Variants in CFAP299 observed in about 807,000 individuals in gnomAD.
CFAP299 encodes cilia and flagella associated protein 299, also known as cilia- and flagella-associated protein 299.
In CFAP299, 21 loss-of-function variants were observed where a neutral mutation model predicts 27.0. That is an observed-to-expected ratio of 0.78 (90% CI 0.55 to 1.12). The LOEUF (loss-of-function observed/expected upper bound fraction) is 1.12. Among genes scored for constraint, CFAP299 ranks in the 50% most tolerant of loss-of-function variants. CFAP299 has a pLI of 0.00. For synonymous variants in CFAP299, 104 were observed against 98.1 expected (o/e 1.06, Z -0.36); for missense variants, 310 against 276.6 (o/e 1.12, Z -0.86).
chr4:80,793,237 G>A (rs767391802), intron 3 of CFAP299, among the ~76,000 whole-genome samples: 10 of 151,936 alleles, frequency 6.6e-5, no homozygotes, highest in Non-Finnish European at 1.3e-4. Flanking sequence ...TGAAGACCTT[G>A]GAGTCTGATG....
At chr4:80,462,853 A>T (rs1478219784) in intron 2 of CFAP299, among the ~76,000 whole-genome samples, 1 of 152,176 alleles carries the variant, frequency 6.6e-6, no homozygotes, top group Non-Finnish European at 1.5e-5. Flanking sequence ...ACAAAGTCCT[A>T]ATAACAGCAT....
chr4:80,404,280 A>G (rs1726307097), intron 2 of CFAP299, among the ~76,000 whole-genome samples: 1 of 152,130 alleles, frequency 6.6e-6, no homozygotes, highest in Non-Finnish European at 1.5e-5. Flanking sequence ...TTTGTGATAA[A>G]GTACACATGT....
At chr4:80,800,713 T>C (rs1267378121) in intron 3 of CFAP299, among the ~76,000 whole-genome samples, 2 of 111,052 alleles carry the variant, frequency 1.8e-5, no homozygotes, top group East Asian at 4.5e-4. Context: ...TGAGTTTTTA[T>C]GTATGAGTCC....
chr4:80,615,075 T>C (rs1267229395), intron 3 of CFAP299, among the ~76,000 whole-genome samples: 1 of 152,226 alleles, frequency 6.6e-6, no homozygotes, highest in Non-Finnish European at 1.5e-5. Context: ...TTTAATGATG[T>C]ATTTTATTTG....
chr4:80,952,084 G>A (rs548859105), intron 5 of CFAP299, among the ~76,000 whole-genome samples: 1 of 152,200 alleles, frequency 6.6e-6, no homozygotes, highest in South Asian at 2.1e-4. Context: ...TTTGCCTAGA[G>A]GCTCAAATGA....
chr4:80,595,230 G>A (rs1455154811), intron 3 of CFAP299, among the ~76,000 whole-genome samples: 1 of 151,950 alleles, frequency 6.6e-6, no homozygotes, highest in Non-Finnish European at 1.5e-5. Flanking sequence ...TGCCAAGATT[G>A]GTTTCCTTCT....
At chr4:80,742,190 A>G (rs536548058) in intron 3 of CFAP299, among the ~76,000 whole-genome samples, 1 of 152,230 alleles carries the variant, frequency 6.6e-6, no homozygotes, top group African/African-American at 2.4e-5. Flanking sequence ...TATTCTAGTG[A>G]TGGTGCTTTT....
chr4:80,461,142 G>A (rs1729418847), intron 2 of CFAP299, among the ~76,000 whole-genome samples: 1 of 152,124 alleles, frequency 6.6e-6, no homozygotes. Context: ...AAGGGGGTGT[G>A]GAGACTGAAA....
At chr4:80,523,254 G>T (rs1733009663) in intron 2 of CFAP299, among the ~76,000 whole-genome samples, 1 of 152,056 alleles carries the variant, frequency 6.6e-6, no homozygotes, top group Non-Finnish European at 1.5e-5. Flanking sequence ...TATTGTAAAT[G>T]GGACTGTTTT....
intron 5 of CFAP299, among the ~76,000 whole-genome samples, chr4:80,962,427 C>A (rs912904292): frequency 2.0e-5 from 3 of 151,872 alleles, no homozygotes; most frequent in African/African-American, 7.2e-5. Flanking sequence ...TATTTTGCAT[C>A]TTTGTGGGCA....
At chr4:80,609,437 G>C (rs909935075) in intron 3 of CFAP299, among the ~76,000 whole-genome samples, 1 of 151,982 alleles carries the variant, frequency 6.6e-6, no homozygotes, top group Non-Finnish European at 1.5e-5. Context: ...TATATTTTTT[G>C]AAATGTTTCA....
At chr4:80,329,284 T>G in the CFAP299 span, among the ~76,000 whole-genome samples, 27 of 150,922 alleles carry the variant, frequency 1.8e-4, no homozygotes, top group Non-Finnish European at 3.4e-4. Flanking sequence ...CACATTTATA[T>G]CTCCAATTTA....
At chr4:80,704,290 G>A (rs1253524844) in intron 3 of CFAP299, among the ~76,000 whole-genome samples, 1 of 151,638 alleles carries the variant, frequency 6.6e-6, no homozygotes, top group Non-Finnish European at 1.5e-5. Context: ...AAGAATTTGA[G>A]CAAACTCATG....
intron 2 of CFAP299, among the ~76,000 whole-genome samples, chr4:80,371,621 A>G (rs1405824518): frequency 6.6e-6 from 1 of 152,154 alleles, no homozygotes; most frequent in Non-Finnish European, 1.5e-5. Context: ...AATACTCTAC[A>G]TCATCATTCT....
chr4:80,882,463 C>A (rs1010526529), intron 4 of CFAP299, among the ~76,000 whole-genome samples: 1 of 151,884 alleles, frequency 6.6e-6, no homozygotes, highest in Admixed American at 6.6e-5. Flanking sequence ...ACGGTGAAAC[C>A]CCGTCTCTAC....
At chr4:80,463,806 A>T (rs1729574472) in intron 2 of CFAP299, among the ~76,000 whole-genome samples, 1 of 152,136 alleles carries the variant, frequency 6.6e-6, no homozygotes, top group Non-Finnish European at 1.5e-5. Flanking sequence ...AATTCAGTCC[A>T]TAACATTATA....
intron 3 of CFAP299, among the ~76,000 whole-genome samples, chr4:80,756,046 A>T (rs1725219437): frequency 6.6e-6 from 1 of 152,118 alleles, no homozygotes; most frequent in Non-Finnish European, 1.5e-5. Context: ...AATCTTTTCA[A>T]TGTCCATCAA....
chr4:80,902,752 T>C (rs151052599), intron 4 of CFAP299, among the ~76,000 whole-genome samples: 208 of 151,726 alleles, frequency 1.4e-3, no homozygotes, highest in African/African-American at 4.8e-3. Flanking sequence ...TGCAGACTTC[T>C]TCAGGCAACT....
chr4:80,842,179 T>C (rs2110139649), intron 3 of CFAP299, among the ~76,000 whole-genome samples: 1 of 152,220 alleles, frequency 6.6e-6, no homozygotes, highest in East Asian at 1.9e-4. Flanking sequence ...CTACTGTATG[T>C]TGTTGAGCAA....
Sources: gnomAD v4.1 joint callset for allele counts (sites outside exome capture counted in the v4.1 genomes callset) on GRCh38, gnomAD v4.1.1 for gene constraint, MANE v1.5 for transcripts, NCBI Gene and HGNC (gene_info 2026-07-23, HGNC 2026-07-21) for gene names.